Variants in NAALADL2 observed in about 807,000 individuals in gnomAD.
NAALADL2 encodes N-acetylated alpha-linked acidic dipeptidase like 2.
In NAALADL2, 76 loss-of-function variants were observed where a neutral mutation model predicts 87.2. The observed-to-expected ratio is 0.87, with a 90% CI of 0.72 to 1.05. The LOEUF (loss-of-function observed/expected upper bound fraction) is 1.05. Ranked by LOEUF, NAALADL2 falls within the 50% of genes least tolerant of loss-of-function variation. The pLI is 0.00. For synonymous variants in NAALADL2, 354 were observed against 331.0 expected, an observed-to-expected ratio of 1.07 and a Z score of -0.75; for missense variants, 1,089 against 945.8, an observed-to-expected ratio of 1.15 and a Z score of -1.99.
At chr3:174,551,647 A>T (rs999974260) in intron 2 of NAALADL2, among the ~76,000 whole-genome samples, 3 of 152,330 alleles carry the variant, frequency 2.0e-5, no homozygotes, top group Admixed American at 6.5e-5. Flanking sequence ...CGTGATCAGA[A>T]AGCAATGTTT....
At chr3:175,554,260 T>C (rs1714906518) in intron 9 of NAALADL2, among the ~76,000 whole-genome samples, 1 of 152,056 alleles carries the variant, frequency 6.6e-6, no homozygotes, top group Non-Finnish European at 1.5e-5. Context: ...CCAGGGTCAG[T>C]TTTTCAGTTC....
chr3:175,129,307 G>T lies in NAALADL2; in HGVS notation c.545+32016G>T, dbSNP rs1196146671. Among the ~76,000 whole-genome samples, 8 of 152,064 alleles carry T rather than the reference G, an allele frequency of 5.3e-5. No homozygotes were observed. The South Asian group carries it at 1.7e-3, about 32-fold the overall frequency. On this transcript the variant is annotated intron_variant, in intron 2 of 13. Coordinates refer to ENST00000454872, the MANE Select transcript of NAALADL2 (RefSeq NM_207015.3). ...TTACCATTTTGTGTGTGTGTGTGTGGTGAGAACACTTACAATCTGCTTTCT... is the reference window on the plus strand; with the variant it reads ...TTACCATTTTGTGTGTGTGTGTGTGTTGAGAACACTTACAATCTGCTTTCT...
intron 12 of NAALADL2, among the ~76,000 whole-genome samples, chr3:175,744,467 C>T (rs141360266): frequency 9.8e-4 from 149 of 152,248 alleles, no homozygotes; most frequent in African/African-American, 3.2e-3. Context: ...TGAGGCCAGA[C>T]TTGAGATGTA....
chr3:175,571,811 A>C (rs1718121833), intron 9 of NAALADL2, among the ~76,000 whole-genome samples: 1 of 152,202 alleles, frequency 6.6e-6, no homozygotes, highest in Non-Finnish European at 1.5e-5. Flanking sequence ...AAAACCCTCA[A>C]ATCTGCAAAT....
At chr3:175,660,805 A>C in intron 11 of NAALADL2, among the ~76,000 whole-genome samples, 1 of 152,106 alleles carries the variant, frequency 6.6e-6, no homozygotes, top group Non-Finnish European at 1.5e-5. Context: ...AATGACCTCC[A>C]GATCCATCCG....
intron 3 of NAALADL2, among the ~76,000 whole-genome samples, chr3:174,825,876 A>G (rs1244642240): frequency 1.3e-5 from 2 of 151,972 alleles, no homozygotes; most frequent in Non-Finnish European, 2.9e-5. Flanking sequence ...AAACACAAAA[A>G]ATTAGGCGGG....
intron 1 of NAALADL2, among the ~76,000 whole-genome samples, chr3:174,882,798 CGTGTGTATATGTGCAT>C (rs1235512167): frequency 1.9e-4 from 19 of 102,156 alleles, no homozygotes; most frequent in African/African-American, 8.7e-4. Context: ...TATATATACA[CGTGTGTATATGTGCAT>C]ATGTGTATAT....
intron 2 of NAALADL2, among the ~76,000 whole-genome samples, chr3:174,720,792 G>T (rs937050669): frequency 2.6e-5 from 4 of 152,164 alleles, no homozygotes; most frequent in Non-Finnish European, 5.9e-5. Flanking sequence ...CTACCAGTTT[G>T]GGTATCCTTT....
intron 1 of NAALADL2, among the ~76,000 whole-genome samples, chr3:175,091,099 A>G (rs1720036995): frequency 6.6e-6 from 1 of 152,114 alleles, no homozygotes; most frequent in Admixed American, 6.6e-5. Context: ...CAACAACAAA[A>G]ATTTATTCCA....
intron 2 of NAALADL2, among the ~76,000 whole-genome samples, chr3:174,729,625 CTA>C (rs1214128055): frequency 6.6e-6 from 1 of 151,986 alleles, no homozygotes; most frequent in Non-Finnish European, 1.5e-5. Flanking sequence ...ATGATCCTAA[CTA>C]TGCAAATTTT....
At chr3:174,956,211 A>C (rs965979871) in intron 1 of NAALADL2, among the ~76,000 whole-genome samples, 2 of 152,032 alleles carry the variant, frequency 1.3e-5, no homozygotes, top group African/African-American at 4.8e-5. Context: ...ACTAGGATAA[A>C]TTTGCAGATC....
intron 2 of NAALADL2, among the ~76,000 whole-genome samples, chr3:174,703,446 G>A (rs182534764): frequency 1.5e-4 from 23 of 152,096 alleles, no homozygotes; most frequent in Admixed American, 9.2e-4. Flanking sequence ...AGAAAATGCC[G>A]CGCCATTTGG....
At chr3:175,728,595 G>C (rs1021226176) in intron 11 of NAALADL2, among the ~76,000 whole-genome samples, 17 of 152,090 alleles carry the variant, frequency 1.1e-4, no homozygotes, top group Non-Finnish European at 2.2e-4. Context: ...TTGTTAAATT[G>C]GGGAATTTCT....
intron 2 of NAALADL2, among the ~76,000 whole-genome samples, chr3:175,196,766 C>G (rs1249552465): frequency 6.6e-6 from 1 of 151,878 alleles, no homozygotes; most frequent in East Asian, 1.9e-4. Context: ...CACAAATTTC[C>G]TTTTCCTTTT....
rs192511652 is a variant in NAALADL2, at chr3:174,662,049, T to G, written c.-114-75592T>G. On this transcript the variant is annotated intron_variant, in intron 2 of 3. Transcript: ENST00000434257. ...AAGCTATATAGCTCATCCTCAGAGA[T>G]AGCCTCAGTTTCAGCTTCCTCATCT... Among the ~76,000 whole-genome samples, 295 of 152,278 alleles carry G rather than the reference T, an allele frequency of 1.9e-3. 3 individuals are homozygous for G. The highest frequency in any genetic ancestry group is 6.7e-3 in the African/African-American group (279 of 41,578).
chr3:175,755,495 T>C (rs1747152553), intron 13 of NAALADL2, 77 bp downstream of exon 13: 9 of 1,066,602 alleles, frequency 8.4e-6, no homozygotes, highest in Non-Finnish European at 1.2e-5. Context: ...ATACATACCT[T>C]CTATGAACAT....
At chr3:175,435,257 T>A (rs1249623598) in intron 5 of NAALADL2, among the ~76,000 whole-genome samples, 1 of 152,024 alleles carries the variant, frequency 6.6e-6, no homozygotes, top group African/African-American at 2.4e-5. Context: ...AAAGAACACG[T>A]TAATGACCAT....
intron 1 of NAALADL2, among the ~76,000 whole-genome samples, chr3:174,472,343 G>A (rs370659275): frequency 1.2e-4 from 18 of 152,174 alleles, no homozygotes; most frequent in African/African-American, 3.4e-4. Flanking sequence ...CATTCAGCAA[G>A]CATTTATTGA....
intron 5 of NAALADL2, among the ~76,000 whole-genome samples, chr3:175,351,429 C>T: frequency 6.6e-6 from 1 of 150,774 alleles, no homozygotes; most frequent in Middle Eastern, 3.2e-3. Context: ...TATGTATATG[C>T]ACACACAATC....
Sources: gnomAD v4.1 joint callset for allele counts (sites outside exome capture counted in the v4.1 genomes callset) on GRCh38, gnomAD v4.1.1 for gene constraint, MANE v1.5 for transcripts, NCBI Gene and HGNC (gene_info 2026-07-23, HGNC 2026-07-21) for gene names.